Variants in ARHGEF10 observed in about 807,000 individuals in gnomAD.
ARHGEF10 encodes Rho guanine nucleotide exchange factor (GEF) 10.
Under a neutral mutation model 147.4 loss-of-function variants are expected in ARHGEF10, and 140 were observed. The ratio of observed to expected loss-of-function variants is 0.95; its 90% confidence interval spans 0.83 to 1.09. ARHGEF10 has a LOEUF of 1.09. ARHGEF10 is among the 50% of genes least tolerant of loss of function. The probability of loss-of-function intolerance (pLI) is 0.00; values close to 1 mark genes in which losing one functional copy is unlikely to be tolerated. For missense variants in ARHGEF10, 2,222 were observed against 1,752.7 expected (o/e 1.27, Z -4.78); for synonymous variants, 902 against 695.8 (o/e 1.30, Z -4.67).
chr8:1,906,190 TG>T (rs1462570626), intron 17 of ARHGEF10, among the ~76,000 whole-genome samples: 1 of 152,222 alleles, frequency 6.6e-6, no homozygotes, highest in Non-Finnish European at 1.5e-5. Context: ...CATGGAATAT[TG>T]TAGTGAGATG....
At chr8:1,924,784 G>A (rs1022428489) in intron 21 of ARHGEF10, among the ~76,000 whole-genome samples, 2 of 152,280 alleles carry the variant, frequency 1.3e-5, no homozygotes, top group Middle Eastern at 3.4e-3. Context: ...GCCCCCTTTC[G>A]TCTTCAGATC....
At chr8:1,850,155 C>T (rs1184058474) in intron 2 of ARHGEF10, among the ~76,000 whole-genome samples, 38 of 113,478 alleles carry the variant, frequency 3.3e-4, no homozygotes, top group East Asian at 9.8e-4. Context: ...GTGGGGCGGC[C>T]ACGTGGACAC....
rs749738154 is a variant in ARHGEF10, at chr8:1,829,443, C to T, written c.-48+5330C>T. Among the ~76,000 whole-genome samples the T allele has an allele frequency of 2.6e-4, 39 of 152,210 alleles. 1 individual carries two copies. Among genetic ancestry groups the T allele is most frequent in the Admixed American group, 2.2e-3 (34 of 15,286 alleles). On this transcript the variant is annotated intron_variant, in intron 1 of 28. Coordinates refer to ENST00000349830, the MANE Select transcript of ARHGEF10 (RefSeq NM_014629.4). ...CTGAGGGCTGGAGCCAGCCCCTGAC[C>T]CTGGCCAGCCTGCTTGCTGCAGGAG...
intron 9 of ARHGEF10, among the ~76,000 whole-genome samples, chr8:1,882,087 C>T (rs571072529): frequency 6.6e-6 from 1 of 152,330 alleles, no homozygotes; most frequent in East Asian, 1.9e-4. Flanking sequence ...CAGCGTGCTG[C>T]ACCCCGACCC....
chr8:1,907,175 C>A (rs1181381245), intron 17 of ARHGEF10, among the ~76,000 whole-genome samples: 1 of 152,204 alleles, frequency 6.6e-6, no homozygotes, highest in Admixed American at 6.5e-5. Context: ...TGTCTCCACC[C>A]GTTTCCCTGG....
At chr8:1,947,815 G>C (rs1814719235) in intron 27 of ARHGEF10, among the ~76,000 whole-genome samples, 1 of 143,840 alleles carries the variant, frequency 7.0e-6, no homozygotes, top group Non-Finnish European at 1.5e-5. Flanking sequence ...GCTGCTGCTC[G>C]AAAGCCACTC....
intron 2 of ARHGEF10, among the ~76,000 whole-genome samples, chr8:1,845,352 G>C (rs1804474646): frequency 6.6e-6 from 1 of 152,196 alleles, no homozygotes; most frequent in Non-Finnish European, 1.5e-5. Flanking sequence ...GGTTGTCTTG[G>C]ATAGTTTTCT....
At chr8:1,954,069 A>G (rs1815282939) in intron 28 of ARHGEF10, among the ~76,000 whole-genome samples, 1 of 152,194 alleles carries the variant, frequency 6.6e-6, no homozygotes, top group South Asian at 2.1e-4. Flanking sequence ...CCCCAAATCC[A>G]AAAACAAAAT....
rs1369982411 is a variant in ARHGEF10, at chr8:1,953,630, A to ATTTTTAG, written c.3520+809_3520+810insGTTTTTA. On this transcript the variant is annotated intron_variant, in intron 28 of 28. Transcript: ENST00000349830. ...AAGAAGACATTTGCCACAGCATTTA[A>ATTTTTAG]TTTTTAACAGCACGAAACAGGAGGT... Among the ~76,000 whole-genome samples, 29 of 152,030 alleles carry ATTTTTAG rather than the reference A, an allele frequency of 1.9e-4. 1 individual carries two copies. In the East Asian group the frequency reaches 5.6e-3, roughly 29 times the overall value.
intron 5 of ARHGEF10, among the ~76,000 whole-genome samples, chr8:1,865,595 C>T (rs1053622199): frequency 2.0e-5 from 3 of 150,172 alleles, no homozygotes; most frequent in Admixed American, 6.6e-5. Context: ...GCAGCACCCA[C>T]AGGGCCATCA....
At chr8:1,879,948 G>A (rs1808040245) in intron 8 of ARHGEF10, 100 bp from the exon 9 acceptor site, 2 of 850,634 alleles carry the variant, frequency 2.4e-6, no homozygotes, top group Non-Finnish European at 4.1e-6. Flanking sequence ...CAGGCCTGAT[G>A]TGCCACTGCA....
At position 1,949,720 on chromosome 8, in the gene ARHGEF10, G is replaced by A. The variant is rs533236731; in HGVS notation, c.3398-2985G>A. Among the ~76,000 whole-genome samples the A allele has an allele frequency of 3.3e-5, 5 of 152,022 alleles. No homozygotes were observed. In the East Asian group the frequency reaches 7.8e-4, roughly 24 times the overall value. Reference sequence around the variant, plus strand: ...TTTTCTGAAGACCATGGACTACACCGTAAGGGAATTCAGTAAATGAAACCG... The same window carrying A: ...TTTTCTGAAGACCATGGACTACACCATAAGGGAATTCAGTAAATGAAACCG... On this transcript the variant is annotated intron_variant, in intron 27 of 28. Transcript: ENST00000349830.
At chr8:1,850,614 G>A (rs1025746315) in intron 2 of ARHGEF10, among the ~76,000 whole-genome samples, 2 of 152,092 alleles carry the variant, frequency 1.3e-5, no homozygotes, top group Non-Finnish European at 2.9e-5. Flanking sequence ...AGGGCGTGGG[G>A]CAGCCGCGTG....
At chr8:1,864,222 TA>T in intron 4 of ARHGEF10, 150 bp from the exon 5 acceptor site, 1 of 761,346 alleles carries the variant, frequency 1.3e-6, no homozygotes, top group Non-Finnish European at 2.3e-6. Flanking sequence ...ATCTAAGAGC[TA>T]AAAATTTTTA....
intron 13 of ARHGEF10, among the ~76,000 whole-genome samples, chr8:1,895,703 G>A (rs1048023938): frequency 2.6e-5 from 4 of 152,124 alleles, no homozygotes; most frequent in African/African-American, 9.7e-5. Flanking sequence ...TGCTATCAAT[G>A]CCAGTCACAC....
intron 28 of ARHGEF10, among the ~76,000 whole-genome samples, chr8:1,956,461 A>T (rs966153569): frequency 6.6e-6 from 1 of 152,230 alleles, no homozygotes; most frequent in African/African-American, 2.4e-5. Context: ...CTATTTTATT[A>T]CTTTGAAAAG....
chr8:1,865,739 C>CCCATAGGAACATTTTCCGAGGCCTT (rs1227455677), intron 5 of ARHGEF10, among the ~76,000 whole-genome samples: 1 of 152,094 alleles, frequency 6.6e-6, no homozygotes, highest in Non-Finnish European at 1.5e-5. Context: ...AGTGACCCTT[C>CCCATAGGAACATTTTCCGAGGCCTT]CCATAGGAAC....
intron 27 of ARHGEF10, chr8:1,945,900 G>GTGCTGGGAGGAGCCGCT: frequency 1.5e-6 from 1 of 688,634 alleles, no homozygotes; most frequent in Non-Finnish European, 2.5e-6. Flanking sequence ...GAGGAGCCGC[G>GTGCTGGGAGGAGCCGCT]TGCTGGGAGG....
chr8:1,862,603 T>C (rs1806223258), intron 4 of ARHGEF10, among the ~76,000 whole-genome samples: 1 of 152,184 alleles, frequency 6.6e-6, no homozygotes, highest in Non-Finnish European at 1.5e-5. Flanking sequence ...AGAGGGCTCA[T>C]GTGTGTGCTC....
Sources: allele counts gnomAD v4.1 joint callset (sites outside exome capture counted in the v4.1 genomes callset), GRCh38; gene constraint gnomAD v4.1.1; transcripts MANE v1.5; gene names NCBI Gene and HGNC (gene_info 2026-07-23, HGNC 2026-07-21).